Variants in SPATA9 observed in about 807,000 individuals in gnomAD.
The protein encoded by SPATA9 is spermatogenesis-associated protein 9.
Under a neutral mutation model 25.5 loss-of-function variants are expected in SPATA9, and 27 were observed. The ratio of observed to expected loss-of-function variants is 1.06; its 90% confidence interval spans 0.78 to 1.46. The LOEUF is 1.46. Ranked by LOEUF, SPATA9 falls within the 40% of genes most tolerant of loss-of-function variation. The pLI, the probability that SPATA9 is intolerant of heterozygous loss-of-function variation, is 0.00. For synonymous variants in SPATA9, 102 were observed against 105.7 expected, an observed-to-expected ratio of 0.97 and a Z score of 0.21; for missense variants, 282 against 297.5, an observed-to-expected ratio of 0.95 and a Z score of 0.38.
chr5:95,702,453 C>A (rs576645197), upstream of SPATA9, among the ~76,000 whole-genome samples: 38 of 152,270 alleles, frequency 2.5e-4, no homozygotes, highest in Non-Finnish European at 4.7e-4. Flanking sequence ...AGGCATCAAG[C>A]GACTTTACTC....
chr5:95,663,171 T>C (rs1751427725), intron 4 of SPATA9, among the ~76,000 whole-genome samples: 1 of 152,188 alleles, frequency 6.6e-6, no homozygotes, highest in Non-Finnish European at 1.5e-5. Flanking sequence ...AGTCAATCAG[T>C]TGAATACTAC....
chr5:95,662,716 C>T (rs576863702), intron 4 of SPATA9, among the ~76,000 whole-genome samples: 2 of 152,282 alleles, frequency 1.3e-5, no homozygotes, highest in African/African-American at 2.4e-5. Context: ...AGAAAGACAT[C>T]TCTCAATAGA....
chr5:95,714,303 G>GAGAGC, the SPATA9 span, among the ~76,000 whole-genome samples: 1 of 152,182 alleles, frequency 6.6e-6, no homozygotes, highest in Non-Finnish European at 1.5e-5. Context: ...CTGAAGCCAT[G>GAGAGC]AGAGCAGATG....
Position 95,675,524 on chromosome 5 carries a change from A to T in SPATA9, c.266T>A (p.Val89Glu), listed in dbSNP as rs769498686. ...AAGCTGAGGATGCAGAAGTTTGGCCACTGATTTGGAGGATCTGGATATGCT... is the reference window on the plus strand; with the variant it reads ...AAGCTGAGGATGCAGAAGTTTGGCCTCTGATTTGGAGGATCTGGATATGCT... ...LNSISRSSKS[V>E]AKLLHPQLAC... Residue 89 changes from valine (V) to glutamate (E), a missense_variant, in exon 3 of 5, where the codon GTG becomes GAG. Coordinates refer to ENST00000274432, the MANE Select transcript of SPATA9 (RefSeq NM_031952.4). 1 of 1,614,168 alleles carries T rather than the reference A, an allele frequency of 6.2e-7. No homozygotes were observed. The highest frequency in any genetic ancestry group is 1.1e-5 in the South Asian group (1 of 91,082).
At chr5:95,731,006 C>CG in the SPATA9 span, 15 of 679,168 alleles carry the variant, frequency 2.2e-5, no homozygotes, top group East Asian at 7.0e-5. Flanking sequence ...CCGGAGTGAG[C>CG]GGGGGCCCCA....
At chr5:95,712,994 GTAAGTGAAATATATTCTCCTAT>G in the SPATA9 span, among the ~76,000 whole-genome samples, 2 of 152,018 alleles carry the variant, frequency 1.3e-5, no homozygotes, top group Admixed American at 1.3e-4. Context: ...TGTTATTACT[GTAAGTGAAATATATTCTCCTAT>G]TAAGTTTGCA....
At chr5:95,661,929 AC>A (rs1277792718) in intron 4 of SPATA9, among the ~76,000 whole-genome samples, 3 of 152,154 alleles carry the variant, frequency 2.0e-5, no homozygotes, top group African/African-American at 4.8e-5. Context: ...TAACAAAAAA[AC>A]ATAAAAATGA....
At chr5:95,731,677 G>A in the SPATA9 span, 2 of 1,613,500 alleles carry the variant, frequency 1.2e-6, no homozygotes, top group South Asian at 2.2e-5. Flanking sequence ...CCTTGGATTT[G>A]AGATCATGTA....
downstream of SPATA9, chr5:95,656,092 A>C (rs372462734): frequency 3.3e-5 from 54 of 1,613,602 alleles, no homozygotes; most frequent in Non-Finnish European, 4.3e-5. Flanking sequence ...CATAAATACA[A>C]AATTACTTTG....
chr5:95,700,547 C>T (rs1754155022), upstream of SPATA9, among the ~76,000 whole-genome samples: 1 of 152,164 alleles, frequency 6.6e-6, no homozygotes, highest in Admixed American at 6.5e-5. Flanking sequence ...ATATGCCCGC[C>T]TCAGCCTCCC....
intron 3 of SPATA9, 57 bp downstream of exon 3, chr5:95,675,355 T>C: frequency 1.4e-6 from 2 of 1,422,296 alleles, no homozygotes; most frequent in Non-Finnish European, 1.9e-6. Flanking sequence ...TTTCAAGTTT[T>C]GCAAATTTAA....
the SPATA9 span, among the ~76,000 whole-genome samples, chr5:95,715,988 A>T: frequency 6.6e-6 from 1 of 152,266 alleles, no homozygotes; most frequent in South Asian, 2.1e-4. Context: ...AAGGAAATGC[A>T]AATGAAAATC....
At chr5:95,726,262 T>C in the SPATA9 span, among the ~76,000 whole-genome samples, 1 of 152,360 alleles carries the variant, frequency 6.6e-6, no homozygotes, top group East Asian at 1.9e-4. Context: ...ATTTTAGATA[T>C]TTTTATCTTG....
At chr5:95,709,076 C>T in the SPATA9 span, among the ~76,000 whole-genome samples, 3 of 152,074 alleles carry the variant, frequency 2.0e-5, no homozygotes, top group Non-Finnish European at 2.9e-5. Context: ...CCGTTGGCAT[C>T]GTGAGGATGA....
At chr5:95,731,718 C>CTCCAGCG in the SPATA9 span, 26 of 1,612,918 alleles carry the variant, frequency 1.6e-5, no homozygotes, top group Non-Finnish European at 1.9e-5. Flanking sequence ...CATTGTCTCT[C>CTCCAGCG]TCCAGCGCGT....
chr5:95,679,484 C>T (rs960271817), intron 2 of SPATA9, among the ~76,000 whole-genome samples: 29 of 152,218 alleles, frequency 1.9e-4, no homozygotes, highest in African/African-American at 6.5e-4. Context: ...CTCAGAAACT[C>T]TTAAGCCTTA....
the SPATA9 span, among the ~76,000 whole-genome samples, chr5:95,720,370 G>T: frequency 6.6e-6 from 1 of 152,166 alleles, no homozygotes; most frequent in African/African-American, 2.4e-5. Flanking sequence ...TTATGATGGG[G>T]ATCATTAGCA....
chr5:95,723,687 C>T, the SPATA9 span, among the ~76,000 whole-genome samples: 1 of 152,142 alleles, frequency 6.6e-6, no homozygotes, highest in African/African-American at 2.4e-5. Context: ...AGTGAGTCTG[C>T]AGCTTATCTG....
the SPATA9 span, among the ~76,000 whole-genome samples, chr5:95,730,232 C>G: frequency 1.3e-5 from 2 of 152,110 alleles, no homozygotes; most frequent in African/African-American, 4.8e-5. Flanking sequence ...CTCAATACCC[C>G]CTCTTTCATA....
Sources: allele counts gnomAD v4.1 joint callset (sites outside exome capture counted in the v4.1 genomes callset), GRCh38; gene constraint gnomAD v4.1.1; transcripts MANE v1.5; gene names NCBI Gene and HGNC (gene_info 2026-07-23, HGNC 2026-07-21).